The following SLC38A8 variants were observed in gnomAD, a reference collection of about 807,000 sequenced individuals.
SLC38A8 encodes solute carrier family 38 member 8, also known as amino acid transporter SLC38A8.
In SLC38A8, 65 loss-of-function variants were observed where a neutral mutation model predicts 46.0. The observed-to-expected ratio is 1.41, with a 90% confidence interval of 1.16 to 1.74. The LOEUF (loss-of-function observed/expected upper bound fraction) is 1.74. Among genes scored for constraint, SLC38A8 ranks in the 40% most tolerant of loss-of-function variants. SLC38A8 has a pLI of 0.00. For synonymous variants in SLC38A8, 447 were observed against 243.7 expected, an observed-to-expected ratio of 1.83 and a Z score of -7.77; for missense variants, 998 against 567.9, an observed-to-expected ratio of 1.76 and a Z score of -7.70.
At chr16:84,041,908 C>T in intron 2 of SLC38A8, 61 bp downstream of exon 2, 1 of 1,463,578 alleles carries the variant, frequency 6.8e-7, no homozygotes, top group Admixed American at 2.3e-5. Context: ...CGAGGAACCC[C>T]ACCCAGAAAA....
chr16:84,032,784 A>C (rs1042534222), intron 4 of SLC38A8, among the ~76,000 whole-genome samples: 1 of 152,174 alleles, frequency 6.6e-6, no homozygotes, highest in Non-Finnish European at 1.5e-5. Context: ...TACTGTTTCC[A>C]AGCTTTATTT....
chr16:84,016,920 G>C (rs1168692142), intron 8 of SLC38A8, among the ~76,000 whole-genome samples, 193 bp from the exon 9 acceptor site: 1 of 152,162 alleles, frequency 6.6e-6, no homozygotes, highest in African/African-American at 2.4e-5. Flanking sequence ...ATGGGGCAGG[G>C]GATGAAGCAC....
intron 9 of SLC38A8, among the ~76,000 whole-genome samples, chr16:84,013,915 G>A (rs77669913): frequency 2.6e-5 from 4 of 152,192 alleles, no homozygotes; most frequent in Non-Finnish European, 5.9e-5. Flanking sequence ...GCCCAGACCA[G>A]GGAGTGTGAG....
At chr16:84,024,063 A>G (rs1187062158) in intron 6 of SLC38A8, among the ~76,000 whole-genome samples, 2 of 152,200 alleles carry the variant, frequency 1.3e-5, no homozygotes, top group African/African-American at 4.8e-5. Flanking sequence ...GGTGTTGTGC[A>G]GTGTCCCTGG....
chr16:84,034,459 G>A (rs2085279769), intron 3 of SLC38A8, among the ~76,000 whole-genome samples: 2 of 152,208 alleles, frequency 1.3e-5, no homozygotes, highest in Admixed American at 1.3e-4. Flanking sequence ...CAGGCGAGTG[G>A]GAGGGTGGTT....
chr16:84,029,938 T>C (rs910545541), intron 5 of SLC38A8, among the ~76,000 whole-genome samples: 2 of 152,162 alleles, frequency 1.3e-5, no homozygotes, highest in Non-Finnish European at 2.9e-5. Context: ...TGGTTTGAGC[T>C]CTGTCCAAGC....
At chr16:84,039,448 G>A (rs4782879) in intron 2 of SLC38A8, among the ~76,000 whole-genome samples, 29,017 of 152,122 alleles carry the variant, frequency 0.19, 3,446 homozygotes, top group East Asian at 0.33. Flanking sequence ...AACATCTGTG[G>A]TTGAAAGGCA....
rs2085266431 is a variant in SLC38A8, at chr16:84,033,325, T to C, written c.530+3A>G. 2.5e-6 allele frequency: 4 copies of C among 1,613,778 alleles called. No individual in the cohort carries two copies. Among genetic ancestry groups the C allele is most frequent in the Non-Finnish European group, 3.4e-6 (4 of 1,179,954 alleles). Reference sequence around the variant, plus strand: ...CCCCACCAGGCAGCATCCCAGCCCTTACCTTGTGTATTTCTGGAAGGCGAT... The same window carrying C: ...CCCCACCAGGCAGCATCCCAGCCCTCACCTTGTGTATTTCTGGAAGGCGAT... On this transcript the variant is annotated splice_donor_region_variant and intron_variant, in intron 4 of 10. Transcript: ENST00000299709.
intron 6 of SLC38A8, 52 bp from the exon 7 acceptor site, chr16:84,022,941 G>T (rs372011669): frequency 2.2e-6 from 3 of 1,380,332 alleles, no homozygotes; most frequent in South Asian, 2.9e-5. Flanking sequence ...TGGAACAGGC[G>T]ATGCGAAAAA....
At chr16:84,012,440 G>A (rs553550946) in intron 10 of SLC38A8, among the ~76,000 whole-genome samples, 3 of 152,362 alleles carry the variant, frequency 2.0e-5, no homozygotes, top group African/African-American at 7.2e-5. Context: ...AGGCAGGTGG[G>A]TTAGCATGGG....
intron 7 of SLC38A8, among the ~76,000 whole-genome samples, chr16:84,021,225 G>A (rs60682377): frequency 0.18 from 28,004 of 152,010 alleles, 2,636 homozygotes; most frequent in African/African-American, 0.21. Flanking sequence ...CACCATGCTC[G>A]GCTAATTTTT....
chr16:84,017,942 G>C (rs2085050416), intron 7 of SLC38A8, among the ~76,000 whole-genome samples: 1 of 152,202 alleles, frequency 6.6e-6, no homozygotes, highest in African/African-American at 2.4e-5. Context: ...CTCTGACCCA[G>C]GGGCTACAGA....
chr16:84,023,104 C>T (rs1173598383), intron 6 of SLC38A8, among the ~76,000 whole-genome samples: 1 of 152,088 alleles, frequency 6.6e-6, no homozygotes, highest in Non-Finnish European at 1.5e-5. Flanking sequence ...CCAAACACGC[C>T]ACAGTACCAG....
chr16:84,020,580 G>A (rs969895832), intron 7 of SLC38A8, among the ~76,000 whole-genome samples: 1 of 152,192 alleles, frequency 6.6e-6, no homozygotes, highest in Non-Finnish European at 1.5e-5. Context: ...GCTGCAGCAC[G>A]AGCCAGATCA....
chr16:84,020,425 G>A (rs1252299468), intron 7 of SLC38A8, among the ~76,000 whole-genome samples: 1 of 152,196 alleles, frequency 6.6e-6, no homozygotes, highest in Non-Finnish European at 1.5e-5. Context: ...TGGGATTACA[G>A]GCATGAGCCA....
intron 3 of SLC38A8, 45 bp from the exon 4 acceptor site, chr16:84,033,514 G>A (rs774404605): frequency 2.2e-5 from 34 of 1,530,252 alleles, no homozygotes; most frequent in South Asian, 9.0e-5. Context: ...TACAAATGCC[G>A]TGGGTTCTCG....
chr16:84,031,057 T>C (rs1347226118), intron 5 of SLC38A8, among the ~76,000 whole-genome samples: 1 of 152,176 alleles, frequency 6.6e-6, no homozygotes, highest in Non-Finnish European at 1.5e-5. Flanking sequence ...TTTTTCTTTT[T>C]TGAGACAGAG....
chr16:84,013,677 C>A (rs889471161), intron 9 of SLC38A8, among the ~76,000 whole-genome samples: 6 of 151,698 alleles, frequency 4.0e-5, no homozygotes, highest in African/African-American at 1.5e-4. Context: ...GATCCGCCCG[C>A]CTTGGCCTCC....
In SLC38A8 at chr16:84,013,033, T is replaced by C. The variant is rs910089872; in HGVS notation, c.1182A>G (p.Ala394=). ...TTGGTCCTATAGGCTCGACACCCAT[T>C]GCACAGATGAGGCACAAACCTGCAA... is the stretch of plus-strand genomic sequence containing the variant. ...FIFPGLCLIC[A]MGVEPIGPRV... The change falls in exon 10 of 11, where the codon GCA becomes GCG. Residue 394 remains alanine, a synonymous_variant. Transcript: ENST00000299709. The C allele has an allele frequency of 6.2e-7, 1 of 1,614,026 alleles. No homozygotes were observed. Among genetic ancestry groups the C allele is most frequent in the Non-Finnish European group, 8.5e-7 (1 of 1,180,012 alleles).
Sources: gnomAD v4.1 joint callset for allele counts (sites outside exome capture counted in the v4.1 genomes callset) on GRCh38, gnomAD v4.1.1 for gene constraint, MANE v1.5 for transcripts, NCBI Gene and HGNC (gene_info 2026-07-23, HGNC 2026-07-21) for gene names.